The following SUPT5H variants were observed in gnomAD, a reference collection of about 807,000 sequenced individuals.
The protein encoded by SUPT5H is transcription elongation factor SPT5.
A neutral mutation model predicts 142.5 loss-of-function variants in SUPT5H; 24 were observed. The ratio of observed to expected loss-of-function variants is 0.17; its 90% CI spans 0.12 to 0.24. The LOEUF (loss-of-function observed/expected upper bound fraction) is 0.24. Among genes scored for constraint, SUPT5H ranks in the 10% least tolerant of loss-of-function variants. The pLI is 1.00. For missense variants in SUPT5H, 893 were observed against 1,471.8 expected, an observed-to-expected ratio of 0.61 and a Z score of 6.43; for synonymous variants, 546 against 553.0, an observed-to-expected ratio of 0.99 and a Z score of 0.18.
chr19:39,464,256 A>G (rs1173082006), intron 10 of SUPT5H, among the ~76,000 whole-genome samples: 1 of 152,180 alleles, frequency 6.6e-6, no homozygotes, highest in Non-Finnish European at 1.5e-5. Flanking sequence ...AAGTGCTGGG[A>G]TTACAAGCAT....
In SUPT5H at chr19:39,450,342, C is replaced by T. The variant is rs190316002; in HGVS notation, c.76-3014C>T. On this transcript the variant is annotated intron_variant, in intron 2 of 29. Coordinates refer to ENST00000432763, the MANE Select transcript of SUPT5H (RefSeq NM_001111020.3). ...CCAGGCTGGAGTGTAGTGGCACAATCGCGGCTCACTGCAACCTCTTCCTTC... is the reference window on the plus strand; with the variant it reads ...CCAGGCTGGAGTGTAGTGGCACAATTGCGGCTCACTGCAACCTCTTCCTTC... Among the ~76,000 whole-genome samples, 16 of 152,018 alleles carry T rather than the reference C, an allele frequency of 1.1e-4. No homozygotes were observed. The East Asian group carries it at 1.4e-3, about 13-fold the overall frequency.
chr19:39,471,289 G>C, intron 18 of SUPT5H, 68 bp from the exon 19 acceptor site: 1 of 1,589,186 alleles, frequency 6.3e-7, no homozygotes, highest in Non-Finnish European at 8.6e-7. Flanking sequence ...TCCCACTTTA[G>C]GGAACCCCTG....
chr19:39,466,506 C>G lies in SUPT5H; in HGVS notation c.903C>G (p.Asn301Lys). Reference sequence around the variant, plus strand: ...TGGACTACGTGGAGCCCAGCCAGAACACCATCTCCCTGAAGATGATCCCAC... The same window carrying G: ...TGGACTACGTGGAGCCCAGCCAGAAGACCATCTCCCTGAAGATGATCCCAC... ...AQVDYVEPSQ[N>K]TISLKMIPRI... Residue 301 changes from asparagine (N) to lysine (K), a missense_variant, in exon 12 of 30, where the codon AAC (asparagine) becomes AAG (lysine). By Grantham distance (94) the Asn-to-Lys change is moderately conservative. This residue lies in a region of SUPT5H where 428 missense variants were observed against 763.5 expected (regional missense o/e 0.56). Transcript: ENST00000432763. This position sits in a 1 kb window ranked among gnomAD's most constrained non-coding sequence, Gnocchi z 4.3. The G allele has an allele frequency of 6.2e-7, 1 of 1,614,098 alleles. No homozygotes were observed. Among genetic ancestry groups the G allele is most frequent in the Non-Finnish European group, 8.5e-7 (1 of 1,180,038 alleles).
Position 39,468,190 on chromosome 19 carries a change from T to C in SUPT5H, c.1038-566T>C, listed in dbSNP as rs567282554. On this transcript the variant is annotated intron_variant, in intron 13 of 29. Transcript: ENST00000432763. ...CTTGGGAGTCCCACCTGCCTGCTTT[T>C]GAATCCTGTCAAGACTGTGGCTTGG... 1.2e-4 allele frequency: 19 copies of C among 152,994 alleles called. No homozygotes were observed. The South Asian group carries it at 3.9e-3, about 32-fold the overall frequency. 9.5% of individuals were successfully genotyped at this position (152,994 alleles called of 1,614,324 possible).
chr19:39,473,109 C>T lies in SUPT5H; in HGVS notation c.2253C>T (p.Thr751=). 6.2e-7 allele frequency: 1 copy of T among 1,613,362 alleles called. No homozygotes were observed. The highest frequency in any genetic ancestry group is 1.1e-5 in the South Asian group (1 of 91,086). Residue 751 remains threonine (T), a synonymous_variant, in exon 23 of 30, where the codon ACC becomes ACT. Coordinates refer to ENST00000432763, the MANE Select transcript of SUPT5H (RefSeq NM_001111020.3). The surrounding 1 kb of genome is among the most constrained non-coding windows in gnomAD (Gnocchi z 5.8). ...QTISVDRQRL[T]TVGSRRPGGM... ...TCTCTGTGGACCGTCAGCGGCTCAC[C>T]ACGGTGTACGGGCGGGGCCTGGGGA...
At position 39,473,347 on chromosome 19, in the gene SUPT5H, G is replaced by T. The variant is rs2079352164; in HGVS notation, c.2386+17G>T. ...TCCAGGATGGTGAGTGCCCGCAGGGGACAGGGAAGAGGGGCTAGGGGGACC... is the reference window on the plus strand; with the variant it reads ...TCCAGGATGGTGAGTGCCCGCAGGGTACAGGGAAGAGGGGCTAGGGGGACC... On this transcript the variant is annotated intron_variant, in intron 24 of 29. Coordinates refer to ENST00000432763, the MANE Select transcript of SUPT5H (RefSeq NM_001111020.3). This position sits in a 1 kb window ranked among gnomAD's most constrained non-coding sequence, Gnocchi z 5.8. 1.9e-6 allele frequency: 3 copies of T among 1,613,642 alleles called. No homozygotes were observed. The highest frequency in any genetic ancestry group is 2.5e-6 in the Non-Finnish European group (3 of 1,179,928).
In SUPT5H at chr19:39,445,983, TG is replaced by T. The variant is rs758815575; in HGVS notation, c.75+23del. ...AGGCCGAGGTCTGTGGCTGGGGCGC[TG>T]GGGGAGACATTGCGTCTGGGGACAG... On this transcript the variant is annotated intron_variant, in intron 2 of 29. Transcript: ENST00000432763. The T allele has an allele frequency of 3.7e-6, 6 of 1,608,348 alleles. No homozygotes were observed. Among genetic ancestry groups the T allele is most frequent in the South Asian group, 1.1e-5 (1 of 90,416 alleles).
In SUPT5H at chr19:39,464,842, C is replaced by T. The variant is rs373628365; in HGVS notation, c.669C>T (p.Gly223=). 17 of 1,613,892 alleles carry T rather than the reference C, an allele frequency of 1.1e-5. No individual in the cohort carries two copies. The African/African-American group carries it at 2.1e-4, about 20-fold the overall frequency. Residue 223 remains glycine (G), a synonymous_variant, in exon 11 of 30, where the codon GGC becomes GGT. Transcript: ENST00000432763. ...TAGTGGCACCAGAGCATGTGAAGGG[C>T]TACATCTACGTGGAGGCCTACAAGC... The part of the protein sequence containing the change: ...KSVVAPEHVK[G]YIYVEAYKQT...
Position 39,474,316 on chromosome 19 carries a change from C to T in SUPT5H, c.2734C>T (p.His912Tyr). The part of the protein sequence containing the change: ...YQPSPSPQSY[H>Y]QVAPSPAGYQ... ...GCCCAGCCCCAGCCCCCAGAGCTAC[C>T]ACCAGGTGGCGCCAAGCCCAGCAGG... Residue 912 changes from histidine (H) to tyrosine (Y), a missense_variant, in exon 27 of 30, where the codon CAC becomes TAC. By Grantham distance (83) the His-to-Tyr change is moderately conservative. Coordinates refer to ENST00000432763, the MANE Select transcript of SUPT5H (RefSeq NM_001111020.3). This position sits in a 1 kb window ranked among gnomAD's most constrained non-coding sequence, Gnocchi z 6.5. The T allele has an allele frequency of 1.2e-6, 2 of 1,614,054 alleles. No homozygotes were observed. Among genetic ancestry groups the T allele is most frequent in the South Asian group, 2.2e-5 (2 of 91,080 alleles).
At chr19:39,457,107 A>G (rs1443640967) in intron 3 of SUPT5H, among the ~76,000 whole-genome samples, 1 of 152,236 alleles carries the variant, frequency 6.6e-6, no homozygotes, top group Non-Finnish European at 1.5e-5. Context: ...CCATGGAGCC[A>G]GACTGCCTCT....
chr19:39,474,754 C>T lies in SUPT5H; in HGVS notation c.3024+36C>T, dbSNP rs1332885823. 4 of 1,573,354 alleles carry T rather than the reference C, an allele frequency of 2.5e-6. No individual in the cohort carries two copies. The Admixed American group carries it at 5.6e-5, about 22-fold the overall frequency. On this transcript the variant is annotated intron_variant, in intron 28 of 29. Transcript: ENST00000432763. This position sits in a 1 kb window ranked among gnomAD's most constrained non-coding sequence, Gnocchi z 6.5. ...CCCAGGGTGGTGGGTGAGCAGGCAT[C>T]CTCTCCTTGGTACCCCCTAAACTGG... is the stretch of plus-strand genomic sequence containing the variant.
intron 28 of SUPT5H, 39 bp from the exon 29 acceptor site, chr19:39,476,042 G>A (rs1050365901): frequency 6.3e-7 from 1 of 1,587,458 alleles, no homozygotes; most frequent in Non-Finnish European, 8.6e-7. Context: ...TCCCATGTTG[G>A]GAGCAGGACA....
rs941573213 is a variant in SUPT5H at position 39,476,333 on chromosome 19, T to C, written c.3198T>C (p.Arg1066=). Residue 1066 remains arginine (R), a synonymous_variant, in exon 30 of 30, where the codon CGT becomes CGC. Transcript: ENST00000432763. ...TTGATGGTGAGGATGGCATTGTCCG[T>C]ATGGACCTTGATGAGCAGCTCAAGA... ...LSIDGEDGIV[R]MDLDEQLKIL... 1 of 1,613,962 alleles carries C rather than the reference T, an allele frequency of 6.2e-7. No homozygotes were observed. The highest frequency in any genetic ancestry group is 8.5e-7 in the Non-Finnish European group (1 of 1,180,020).
Position 39,445,588 on chromosome 19 carries a change from G to C in SUPT5H, c.-137G>C. ...GAGAGGACCCGTCAGCCCCAGTCAG[G>C]CGTCGTGCGAACAGCAGCTGGTACC... is the stretch of plus-strand genomic sequence containing the variant. On this transcript the variant is annotated 5_prime_UTR_variant, in exon 1 of 30. Transcript: ENST00000432763. 5.0e-6 allele frequency: 2 copies of C among 399,206 alleles called. No individual in the cohort carries two copies. The highest frequency in any genetic ancestry group is 9.5e-6 in the Non-Finnish European group (2 of 210,764). 24.7% of individuals were successfully genotyped at this position (399,206 alleles called of 1,614,324 possible).
At chr19:39,463,614 TTAA>T (rs2079194760) in intron 10 of SUPT5H, among the ~76,000 whole-genome samples, 1 of 152,218 alleles carries the variant, frequency 6.6e-6, no homozygotes, top group South Asian at 2.1e-4. Context: ...CCATTTCCGC[TTAA>T]TAAGTGGAAA....
Position 39,466,954 on chromosome 19 carries a change from G to A in SUPT5H, c.1037+209G>A, listed in dbSNP as rs2079247519. On this transcript the variant is annotated intron_variant, in intron 13 of 29. Coordinates refer to ENST00000432763, the MANE Select transcript of SUPT5H (RefSeq NM_001111020.3). The surrounding 1 kb of genome is among the most constrained non-coding windows in gnomAD (Gnocchi z 4.3). ...ATTGATGAGGCTGGGCGCAGCGGGA[G>A]GGAGCACTTTGGAAGGCTAAGGCAG... 6.8e-6 allele frequency: 4 copies of A among 588,048 alleles called. No individual in the cohort carries two copies. Among genetic ancestry groups the A allele is most frequent in the Non-Finnish European group, 1.2e-5 (4 of 331,832 alleles). The allele number at this position is 588,048 out of a possible 1,614,324, so 36.4% of individuals were successfully genotyped here. A position where few individuals can be genotyped will look rare whatever the true frequency, so the allele number is the denominator to read the frequency against.
Position 39,476,612 on chromosome 19 carries a change from C to A in SUPT5H, c.*213C>A. ...GGGTCCCCACCTTCCTGTACCTCCT[C>A]CCCACAGCTTGCTTTTGTTGTACCG... On this transcript the variant is annotated 3_prime_UTR_variant, in exon 30 of 30. Transcript: ENST00000432763. 3.3e-6 allele frequency: 2 copies of A among 612,652 alleles called. No homozygotes were observed. Among genetic ancestry groups the A allele is most frequent in the South Asian group, 4.2e-5 (2 of 47,964 alleles). 38.0% of individuals were successfully genotyped at this position (612,652 alleles called of 1,614,324 possible). A position where few individuals can be genotyped will look rare whatever the true frequency, so the allele number is the denominator to read the frequency against.
chr19:39,447,332 C>T (rs1029691066), intron 2 of SUPT5H, among the ~76,000 whole-genome samples: 1 of 151,994 alleles, frequency 6.6e-6, no homozygotes, highest in African/African-American at 2.4e-5. Context: ...AAGATGTGAT[C>T]TAATGTTTTG....
Position 39,445,828 on chromosome 19 carries a change from C to G in SUPT5H, c.-63C>G, listed in dbSNP as rs1418185587. 28 of 1,578,912 alleles carry G rather than the reference C, an allele frequency of 1.8e-5. No homozygotes were observed. Among genetic ancestry groups the G allele is most frequent in the Non-Finnish European group, 2.3e-5 (27 of 1,158,300 alleles). Reference sequence around the variant, plus strand: ...GGGAACCAGCGGGGAAACTGAGGCTCGGGGTGGAGCGCAGGATTGTGGGAC... The same window carrying G: ...GGGAACCAGCGGGGAAACTGAGGCTGGGGGTGGAGCGCAGGATTGTGGGAC... On this transcript the variant is annotated 5_prime_UTR_variant, in exon 2 of 30. Transcript: ENST00000432763.
Sources: allele counts gnomAD v4.1 joint callset (sites outside exome capture counted in the v4.1 genomes callset), GRCh38; gene constraint gnomAD v4.1.1; regional missense constraint gnomAD v4.1.1; non-coding constraint Gnocchi (gnomAD v3.1); transcripts MANE v1.5; gene names NCBI Gene and HGNC (gene_info 2026-07-23, HGNC 2026-07-21).